The following ICMT variants were observed in gnomAD, a reference collection of about 807,000 sequenced individuals.
ICMT encodes the protein protein-S-isoprenylcysteine O-methyltransferase.
In ICMT, 10 loss-of-function variants were observed where a neutral mutation model predicts 32.2. That is an observed-to-expected ratio of 0.31 (90% CI 0.19 to 0.53). ICMT has a LOEUF of 0.53. Ranked by LOEUF, ICMT falls within the 20% of genes least tolerant of loss-of-function variation. The pLI is 0.96. For missense variants in ICMT, 265 were observed against 356.9 expected, an observed-to-expected ratio of 0.74 and a Z score of 2.07; for synonymous variants, 183 against 158.2, an observed-to-expected ratio of 1.16 and a Z score of -1.18.
chr1:6,235,691 C>T (rs1014071444), intron 1 of ICMT, 26 bp downstream of exon 1: 4 of 1,164,510 alleles, frequency 3.4e-6, no homozygotes, highest in East Asian at 4.3e-5. Flanking sequence ...CCCCGCCGGC[C>T]CCCGCCGGCC....
chr1:6,226,995 C>T (rs190755967), intron 4 of ICMT, among the ~76,000 whole-genome samples: 1 of 152,316 alleles, frequency 6.6e-6, no homozygotes, highest in Admixed American at 6.5e-5. Context: ...CTGGGGATAC[C>T]CTACAGTGGG....
intron 2 of ICMT, 78 bp from the exon 3 acceptor site, chr1:6,233,721 G>T: frequency 8.1e-7 from 1 of 1,241,604 alleles, no homozygotes; most frequent in Non-Finnish European, 1.1e-6. Flanking sequence ...GGTCTCCTGA[G>T]CTGTCCCTAA....
At position 6,224,842 on chromosome 1, in the gene ICMT, T is replaced by C; in HGVS notation, c.*238A>G. 2.0e-6 allele frequency: 1 copy of C among 493,706 alleles called. No individual in the cohort carries two copies. The highest frequency in any genetic ancestry group is 3.6e-6 in the Non-Finnish European group (1 of 278,782). 30.6% of individuals were successfully genotyped at this position (493,706 alleles called of 1,614,324 possible). ...AGGGCGCTGTGGAATATTGCTGTGA[T>C]TTGCCCCTTACTCGTCTTTCACCCA... On this transcript the variant is annotated 3_prime_UTR_variant, in exon 5 of 5. Coordinates refer to ENST00000343813, the MANE Select transcript of ICMT (RefSeq NM_012405.4).
chr1:6,229,595 G>A (rs529710079), intron 4 of ICMT, among the ~76,000 whole-genome samples: 1 of 152,230 alleles, frequency 6.6e-6, no homozygotes, highest in South Asian at 2.1e-4. Flanking sequence ...GGAGGCGGAG[G>A]TTGCAATGAG....
In ICMT at chr1:6,222,976, T is replaced by C. The variant is rs1330935186; in HGVS notation, c.*2104A>G. On this transcript the variant is annotated 3_prime_UTR_variant, in exon 5 of 5. Transcript: ENST00000343813. ...AACTCAAGTTCCTAAACAGAGTAAG[T>C]GCCAGTTGATGTCCCACCGTGGATC... The C allele has an allele frequency of 1.3e-5, 2 of 152,272 alleles. No homozygotes were observed. Among genetic ancestry groups the C allele is most frequent in the Non-Finnish European group, 2.9e-5 (2 of 68,068 alleles). 9.4% of individuals were successfully genotyped at this position (152,272 alleles called of 1,614,324 possible).
chr1:6,233,743 C>G, intron 2 of ICMT, 100 bp from the exon 3 acceptor site: 1 of 873,554 alleles, frequency 1.1e-6, no homozygotes, highest in South Asian at 1.7e-5. Context: ...TCTATGAGGC[C>G]CTGTTCTCAC....
rs574266922 is a variant in ICMT, at chr1:6,225,013, A to G, written c.*67T>C. On this transcript the variant is annotated 3_prime_UTR_variant, in exon 5 of 5. Coordinates refer to ENST00000343813, the MANE Select transcript of ICMT (RefSeq NM_012405.4). ...AAGAAAATCCATGTGGCAGCGGCCAACCGGAAACAGTTTTGTCCCAGGCTG... is the reference window on the plus strand; with the variant it reads ...AAGAAAATCCATGTGGCAGCGGCCAGCCGGAAACAGTTTTGTCCCAGGCTG... 7.3e-7 allele frequency: 1 copy of G among 1,372,984 alleles called. No individual in the cohort carries two copies. Among genetic ancestry groups the G allele is most frequent in the South Asian group, 1.3e-5 (1 of 74,572 alleles). The allele number at this position is 1,372,984 out of a possible 1,614,324, so 85.1% of individuals were successfully genotyped here.
At chr1:6,231,545 A>C (rs1204141260) in intron 4 of ICMT, among the ~76,000 whole-genome samples, 1 of 103,778 alleles carries the variant, frequency 9.6e-6, no homozygotes, top group Non-Finnish European at 1.8e-5. Flanking sequence ...TGTCTCTACC[A>C]AAAAAAAAAA....
intron 2 of ICMT, among the ~76,000 whole-genome samples, chr1:6,234,069 G>A (rs755574172): frequency 2.6e-5 from 4 of 152,124 alleles, no homozygotes; most frequent in Admixed American, 6.5e-5. Context: ...GGCTGGTCTC[G>A]AACTCCTGGC....
intron 4 of ICMT, among the ~76,000 whole-genome samples, chr1:6,227,013 T>C (rs962828444): frequency 2.0e-5 from 3 of 152,374 alleles, no homozygotes; most frequent in East Asian, 3.9e-4. Context: ...GGGAGTTCTC[T>C]ATAGCAGGCT....
At chr1:6,228,797 C>T (rs531186985) in intron 4 of ICMT, among the ~76,000 whole-genome samples, 2 of 151,846 alleles carry the variant, frequency 1.3e-5, no homozygotes, top group South Asian at 4.2e-4. Context: ...GAGGCTGAAG[C>T]GGGTGGATCA....
rs186520321 is a variant in ICMT at position 6,223,033 on chromosome 1, G to T, written c.*2047C>A. Reference sequence around the variant, plus strand: ...TCCAGAAAAATTGTAATGATGGCTCGGCCACCGCCTTGGCTAGAGTCCCAC... The same window carrying T: ...TCCAGAAAAATTGTAATGATGGCTCTGCCACCGCCTTGGCTAGAGTCCCAC... On this transcript the variant is annotated 3_prime_UTR_variant, in exon 5 of 5. Coordinates refer to ENST00000343813, the MANE Select transcript of ICMT (RefSeq NM_012405.4). 1 of 152,204 alleles carries T rather than the reference G, an allele frequency of 6.6e-6. No homozygotes were observed. The highest frequency in any genetic ancestry group is 1.5e-5 in the Non-Finnish European group (1 of 68,042). The allele number at this position is 152,204 out of a possible 1,614,324, so 9.4% of individuals were successfully genotyped here. A position where few individuals can be genotyped will look rare whatever the true frequency, so the allele number is the denominator to read the frequency against.
In ICMT at chr1:6,231,972, G is replaced by C; in HGVS notation, c.602C>G (p.Thr201Ser). Residue 201 changes from threonine (T) to serine (S), a missense_variant, in exon 4 of 5, where the codon ACC becomes AGC. Physicochemically the swap from Thr to Ser is moderately conservative, Grantham distance 58. This residue lies in a region of ICMT where 166 missense variants were observed against 264.3 expected (regional missense o/e 0.63). Coordinates refer to ENST00000343813, the MANE Select transcript of ICMT (RefSeq NM_012405.4). ...CCGAAACCAAGCGTACACTCCACTGGTCACCAGAGTATGTGTATCTGATTT... is the reference window on the plus strand; with the variant it reads ...CCGAAACCAAGCGTACACTCCACTGCTCACCAGAGTATGTGTATCTGATTT... ...NEKSDTHTLVTSGVYAWFRHP... is the reference protein window; with the variant it reads ...NEKSDTHTLVSSGVYAWFRHP... 1 of 1,613,870 alleles carries C rather than the reference G, an allele frequency of 6.2e-7. No individual in the cohort carries two copies. The highest frequency in any genetic ancestry group is 8.5e-7 in the Non-Finnish European group (1 of 1,179,848).
rs753911724 is a variant in ICMT at position 6,234,957 on chromosome 1, A to G, written c.213T>C (p.Cys71=). 6.8e-6 allele frequency: 11 copies of G among 1,613,886 alleles called. No homozygotes were observed. The South Asian group carries it at 1.1e-4, about 16-fold the overall frequency. ...CGCAGCCGAACACAAACCCCAGGAAACAAGCTCGGATGGCTATCTGAAAGG... is the reference window on the plus strand; with the variant it reads ...CGCAGCCGAACACAAACCCCAGGAAGCAAGCTCGGATGGCTATCTGAAAGG... ...PPRYQIAIRA[C]FLGFVFGCGT... The change falls in exon 2 of 5, where the codon TGT becomes TGC. Residue 71 remains cysteine (C), a synonymous_variant. Transcript: ENST00000343813.
intron 2 of ICMT, among the ~76,000 whole-genome samples, 158 bp downstream of exon 2, chr1:6,234,728 T>C (rs1419926964): frequency 6.6e-6 from 1 of 152,080 alleles, no homozygotes; most frequent in South Asian, 2.1e-4. Flanking sequence ...AGGGCTGAAA[T>C]GTGAGCAACT....
At chr1:6,232,330 G>C (rs1027735232) in intron 3 of ICMT, among the ~76,000 whole-genome samples, 1 of 152,108 alleles carries the variant, frequency 6.6e-6, no homozygotes, top group African/African-American at 2.4e-5. Context: ...ACACCAATAA[G>C]CACAATGAAA....
rs562910688 is a variant in ICMT at position 6,224,663 on chromosome 1, C to T, written c.*417G>A. The stretch of plus-strand genomic sequence containing the variant: ...TGAAAGGTTGTAAATGCATTTTTAC[C>T]GCTGATAAGAAGGGGTACCTGCTAC... On this transcript the variant is annotated 3_prime_UTR_variant, in exon 5 of 5. Coordinates refer to ENST00000343813, the MANE Select transcript of ICMT (RefSeq NM_012405.4). The T allele has an allele frequency of 1.9e-5, 3 of 160,428 alleles. No individual in the cohort carries two copies. Among genetic ancestry groups the T allele is most frequent in the South Asian group, 2.0e-4 (1 of 4,994 alleles). 9.9% of individuals were successfully genotyped at this position (160,428 alleles called of 1,614,324 possible).
At chr1:6,231,752 T>C (rs2100967001) in intron 4 of ICMT, 150 bp downstream of exon 4, 4 of 539,914 alleles carry the variant, frequency 7.4e-6, no homozygotes, top group South Asian at 3.4e-5. Context: ...ATGTACCTAT[T>C]ATTTAAAGGA....
chr1:6,226,557 A>G (rs894785745), intron 4 of ICMT, among the ~76,000 whole-genome samples: 5 of 152,002 alleles, frequency 3.3e-5, no homozygotes, highest in Non-Finnish European at 7.4e-5. Flanking sequence ...TTTTCTGAAT[A>G]TATATTTTAG....
Sources: allele counts gnomAD v4.1 joint callset (sites outside exome capture counted in the v4.1 genomes callset), GRCh38; gene constraint gnomAD v4.1.1; regional missense constraint gnomAD v4.1.1; transcripts MANE v1.5; gene names NCBI Gene and HGNC (gene_info 2026-07-23, HGNC 2026-07-21).